The following UBTD2 variants were observed in gnomAD, a reference collection of about 807,000 sequenced individuals.
The protein encoded by UBTD2 is ubiquitin domain containing 2, also known as ubiquitin domain-containing protein 2.
Under a neutral mutation model 19.8 loss-of-function variants are expected in UBTD2, and 9 were observed. The ratio of observed to expected loss-of-function variants is 0.46; its 90% CI spans 0.27 to 0.79. The LOEUF is 0.79. Among genes scored for constraint, UBTD2 ranks in the 30% least tolerant of loss-of-function variants. The pLI is 0.14. For missense variants in UBTD2, 250 were observed against 300.4 expected, an observed-to-expected ratio of 0.83 and a Z score of 1.24; for synonymous variants, 98 against 103.9, an observed-to-expected ratio of 0.94 and a Z score of 0.35.
chr5:172,227,570 A>C (rs1581213106), intron 2 of UBTD2, among the ~76,000 whole-genome samples: 2 of 152,120 alleles, frequency 1.3e-5, no homozygotes, highest in African/African-American at 4.8e-5. Flanking sequence ...TTTTTATTAA[A>C]GATGGGGTTT....
At chr5:172,269,481 G>A (rs1755442744) in intron 1 of UBTD2, among the ~76,000 whole-genome samples, 2 of 147,436 alleles carry the variant, frequency 1.4e-5, no homozygotes, top group East Asian at 4.0e-4. Context: ...ACAGAGTGAG[G>A]CCCTGTCTCA....
At chr5:172,228,664 T>C (rs981379875) in intron 2 of UBTD2, among the ~76,000 whole-genome samples, 2 of 151,878 alleles carry the variant, frequency 1.3e-5, no homozygotes, top group African/African-American at 4.8e-5. Flanking sequence ...GAGGTTGCAG[T>C]GAGCTAAGAT....
chr5:172,246,790 G>C (rs1237728213), intron 1 of UBTD2, among the ~76,000 whole-genome samples: 1 of 107,186 alleles, frequency 9.3e-6, no homozygotes, highest in Non-Finnish European at 1.7e-5. Flanking sequence ...TTGAGACAGA[G>C]TCTTGCTCTG....
chr5:172,263,851 C>CTGTGTGTGTGTGTGTGTGTTTGTGTGTG (rs1755320689), intron 1 of UBTD2, among the ~76,000 whole-genome samples: 1 of 142,344 alleles, frequency 7.0e-6, no homozygotes, highest in South Asian at 2.4e-4. Flanking sequence ...GCACGTGCCT[C>CTGTGTGTGTGTGTGTGTGTTTGTGTGTG]TGTGTGTGTG....
chr5:172,249,196 G>A (rs1053504868), intron 1 of UBTD2, among the ~76,000 whole-genome samples: 5 of 151,622 alleles, frequency 3.3e-5, no homozygotes, highest in African/African-American at 9.7e-5. Flanking sequence ...TCAGGAGTTC[G>A]AGACCAACTT....
intron 1 of UBTD2, among the ~76,000 whole-genome samples, chr5:172,248,757 G>A (rs1261589871): frequency 6.7e-6 from 1 of 149,964 alleles, no homozygotes; most frequent in Admixed American, 6.7e-5. Context: ...GCAAGATCCT[G>A]TCTCAAAAAA....
chr5:172,254,192 C>T (rs1213032992), intron 1 of UBTD2, among the ~76,000 whole-genome samples: 2 of 152,084 alleles, frequency 1.3e-5, no homozygotes. Context: ...CTCTGCCTCC[C>T]GGGTTCAAGG....
intron 1 of UBTD2, among the ~76,000 whole-genome samples, chr5:172,258,472 G>T (rs751593540): frequency 6.6e-6 from 1 of 152,094 alleles, no homozygotes; most frequent in Non-Finnish European, 1.5e-5. Context: ...GGCCTTTTTG[G>T]TTCCATATGA....
chr5:172,256,847 G>A (rs924249282), intron 1 of UBTD2, among the ~76,000 whole-genome samples: 31 of 152,090 alleles, frequency 2.0e-4, no homozygotes, highest in African/African-American at 7.0e-4. Flanking sequence ...CTTGAACCCC[G>A]CAGGTGGTTG....
At chr5:172,267,934 A>G (rs747217324) in intron 1 of UBTD2, among the ~76,000 whole-genome samples, 3 of 152,260 alleles carry the variant, frequency 2.0e-5, no homozygotes, top group Non-Finnish European at 2.9e-5. Context: ...TCTGACTCCC[A>G]GATCTTTTCA....
intron 2 of UBTD2, among the ~76,000 whole-genome samples, chr5:172,223,321 T>A (rs1485609706): frequency 6.6e-6 from 1 of 151,802 alleles, no homozygotes. Context: ...AAGCAAACAC[T>A]TGGCCAGGCA....
chr5:172,272,819 G>C (rs978137765), intron 1 of UBTD2, among the ~76,000 whole-genome samples: 76 of 152,080 alleles, frequency 5.0e-4, no homozygotes, highest in Non-Finnish European at 1.5e-5. Context: ...GGTCGCTCAC[G>C]CCTGTAATCC....
At chr5:172,214,489 A>G (rs1364970911) in intron 2 of UBTD2, among the ~76,000 whole-genome samples, 2 of 152,226 alleles carry the variant, frequency 1.3e-5, no homozygotes, top group African/African-American at 4.8e-5. Context: ...TGTGATCACT[A>G]GCAGTCCCTA....
chr5:172,234,377 G>T lies in UBTD2; in HGVS notation c.71-19C>A. 6.2e-7 allele frequency: 1 copy of T among 1,606,326 alleles called. No homozygotes were observed. Among genetic ancestry groups the T allele is most frequent in the South Asian group, 1.1e-5 (1 of 90,766 alleles). ...AGAGCAACTGAAAAGAAAAATAAAAGACTGAGATCAAACCCAAAATTTATA... is the reference window on the plus strand; with the variant it reads ...AGAGCAACTGAAAAGAAAAATAAAATACTGAGATCAAACCCAAAATTTATA... On this transcript the variant is annotated intron_variant, in intron 1 of 2. Coordinates refer to ENST00000393792, the MANE Select transcript of UBTD2 (RefSeq NM_152277.3).
chr5:172,243,657 G>A (rs1255871861), intron 1 of UBTD2, among the ~76,000 whole-genome samples: 2 of 146,932 alleles, frequency 1.4e-5, no homozygotes, highest in African/African-American at 5.0e-5. Flanking sequence ...CTGCCTCCAG[G>A]GTTCAAGTGA....
intron 1 of UBTD2, among the ~76,000 whole-genome samples, chr5:172,236,155 C>G (rs189195713): frequency 6.6e-6 from 1 of 152,224 alleles, no homozygotes; most frequent in Non-Finnish European, 1.5e-5. Context: ...GTCCTCTCCC[C>G]TCAGGGTGGC....
chr5:172,224,159 T>A (rs1414925813), intron 2 of UBTD2, among the ~76,000 whole-genome samples: 1 of 151,926 alleles, frequency 6.6e-6, no homozygotes, highest in Non-Finnish European at 1.5e-5. Context: ...CCCACCCAAA[T>A]CTCGTCTTGA....
chr5:172,228,236 G>A (rs1305082706), intron 2 of UBTD2, among the ~76,000 whole-genome samples: 1 of 152,118 alleles, frequency 6.6e-6, no homozygotes, highest in African/African-American at 2.4e-5. Context: ...ACAGAACAGG[G>A]AGATGAAATG....
intron 1 of UBTD2, among the ~76,000 whole-genome samples, chr5:172,260,641 T>C (rs999174816): frequency 6.6e-6 from 1 of 152,220 alleles, no homozygotes; most frequent in Non-Finnish European, 1.5e-5. Flanking sequence ...CTTCCAAGAC[T>C]ATTACATGTC....
Sources: gnomAD v4.1 joint callset for allele counts (sites outside exome capture counted in the v4.1 genomes callset) on GRCh38, gnomAD v4.1.1 for gene constraint, MANE v1.5 for transcripts, NCBI Gene and HGNC (gene_info 2026-07-23, HGNC 2026-07-21) for gene names.